The following ENAH variants were observed in gnomAD, a reference collection of about 807,000 sequenced individuals.
ENAH encodes ENAH actin regulator.
A neutral mutation model predicts 78.7 loss-of-function variants in ENAH; 23 were observed. That is an observed-to-expected ratio of 0.29 (90% CI 0.21 to 0.41). ENAH has a LOEUF of 0.41. Ranked by LOEUF, ENAH falls within the 10% of genes least tolerant of loss-of-function variation. The pLI, the probability that ENAH is intolerant of heterozygous loss-of-function variation, is 1.00. For synonymous variants in ENAH, 226 were observed against 241.0 expected, an observed-to-expected ratio of 0.94 and a Z score of 0.58; for missense variants, 544 against 691.0, an observed-to-expected ratio of 0.79 and a Z score of 2.39.
chr1:225,600,096 T>A (rs925193698), intron 1 of ENAH, among the ~76,000 whole-genome samples: 34 of 152,192 alleles, frequency 2.2e-4, no homozygotes, highest in African/African-American at 8.2e-4. Flanking sequence ...GGCACCACAC[T>A]TCCTATAAAG....
intron 2 of ENAH, among the ~76,000 whole-genome samples, chr1:225,563,005 G>A (rs2096716218): frequency 6.6e-6 from 1 of 150,796 alleles, no homozygotes; most frequent in Non-Finnish European, 1.5e-5. Flanking sequence ...AAGAATGAAA[G>A]ACAGAAAACC....
intron 12 of ENAH, among the ~76,000 whole-genome samples, chr1:225,500,678 A>C (rs1286117216): frequency 6.6e-6 from 1 of 152,188 alleles, no homozygotes; most frequent in African/African-American, 2.4e-5. Flanking sequence ...AATTTTGCCA[A>C]GACAGTCACT....
At chr1:225,505,590 A>C (rs1424045953) in intron 11 of ENAH, among the ~76,000 whole-genome samples, 1 of 151,372 alleles carries the variant, frequency 6.6e-6, no homozygotes, top group African/African-American at 2.4e-5. Context: ...TTCCAAAGAG[A>C]AATGGGGACC....
At chr1:225,595,994 C>T (rs2096900077) in intron 1 of ENAH, among the ~76,000 whole-genome samples, 1 of 152,152 alleles carries the variant, frequency 6.6e-6, no homozygotes, top group South Asian at 2.1e-4. Context: ...AAAGAGGATA[C>T]CCTTTTGGTT....
At chr1:225,604,621 CA>C (rs762454618) in intron 1 of ENAH, among the ~76,000 whole-genome samples, 9,096 of 88,930 alleles carry the variant, frequency 0.1, 983 homozygotes, top group African/African-American at 0.32. Flanking sequence ...CCGTCTCTAC[CA>C]AAAAAAAAAA....
At chr1:225,500,859 C>T (rs1390220880) in intron 12 of ENAH, 133 bp downstream of exon 12, 1 of 830,718 alleles carries the variant, frequency 1.2e-6, no homozygotes, top group Non-Finnish European at 1.9e-6. Flanking sequence ...ACTAATGCCA[C>T]TGTTTAATTT....
intron 1 of ENAH, among the ~76,000 whole-genome samples, chr1:225,646,167 CAA>C (rs200880795): frequency 1.4e-5 from 2 of 145,302 alleles, no homozygotes; most frequent in African/African-American, 5.0e-5. Context: ...TATGCACTGA[CAA>C]AAAAAAAAAA....
intron 1 of ENAH, among the ~76,000 whole-genome samples, chr1:225,622,246 G>C (rs764853449): frequency 6.6e-6 from 1 of 152,072 alleles, no homozygotes; most frequent in Non-Finnish European, 1.5e-5. Context: ...GGATATGTTT[G>C]CTATCTTGAT....
chr1:225,583,469 T>G (rs1327150022), intron 1 of ENAH, among the ~76,000 whole-genome samples: 2 of 147,266 alleles, frequency 1.4e-5, no homozygotes, highest in African/African-American at 5.0e-5. Context: ...AGAGAATTAT[T>G]CAAGTTGAAA....
chr1:225,520,067 G>A (rs1472551903), intron 4 of ENAH, among the ~76,000 whole-genome samples: 2 of 152,022 alleles, frequency 1.3e-5, no homozygotes, highest in Non-Finnish European at 2.9e-5. Context: ...GCCGAGGCAG[G>A]TGCATCACTT....
intron 2 of ENAH, among the ~76,000 whole-genome samples, chr1:225,565,442 T>TA (rs11286134): frequency 4.7e-5 from 7 of 149,710 alleles, no homozygotes; most frequent in South Asian, 2.1e-4. Context: ...TCTCAAATAA[T>TA]AAAAAAAAAA....
chr1:225,530,461 G>T, intron 4 of ENAH, 93 bp downstream of exon 4: 1 of 1,019,248 alleles, frequency 9.8e-7, no homozygotes, highest in Non-Finnish European at 1.5e-6. Flanking sequence ...CTCTTAAACA[G>T]CTGATAAGAC....
intron 1 of ENAH, among the ~76,000 whole-genome samples, chr1:225,588,496 A>G (rs2096858404): frequency 6.6e-6 from 1 of 152,212 alleles, no homozygotes; most frequent in Non-Finnish European, 1.5e-5. Flanking sequence ...GAGAGTATAA[A>G]ATGGTTCAAC....
At chr1:225,591,764 C>CAAAAAAAA (rs55680042) in intron 1 of ENAH, among the ~76,000 whole-genome samples, 7 of 39,514 alleles carry the variant, frequency 1.8e-4, no homozygotes, top group African/African-American at 3.3e-4. Flanking sequence ...GACTCCGTCT[C>CAAAAAAAA]AAAAAAAAAA....
intron 3 of ENAH, among the ~76,000 whole-genome samples, chr1:225,545,779 A>T (rs1298212075): frequency 6.6e-6 from 1 of 152,110 alleles, no homozygotes; most frequent in Non-Finnish European, 1.5e-5. Context: ...TGAATCCCTG[A>T]GTTAGAGGTT....
In ENAH at chr1:225,488,048, C is replaced by T. The variant is rs2096207218; in HGVS notation, c.*9727G>A. Reference sequence around the variant, plus strand: ...ACTCCCCCACCTCTCAAAAAACAAACAAACAAACAAACACCACCAAAGCTT... The same window carrying T: ...ACTCCCCCACCTCTCAAAAAACAAATAAACAAACAAACACCACCAAAGCTT... On this transcript the variant is annotated 3_prime_UTR_variant, in exon 14 of 14. Transcript: ENST00000366843. The T allele has an allele frequency of 6.6e-6, 1 of 152,178 alleles. No individual in the cohort carries two copies. The highest frequency in any genetic ancestry group is 2.4e-5 in the African/African-American group (1 of 41,414). 9.4% of individuals were successfully genotyped at this position (152,178 alleles called of 1,614,324 possible).
intron 2 of ENAH, among the ~76,000 whole-genome samples, chr1:225,562,427 C>A (rs569570953): frequency 6.6e-6 from 1 of 151,746 alleles, no homozygotes; most frequent in South Asian, 2.1e-4. Flanking sequence ...AAAAAATTAA[C>A]CGGGCGTGGT....
rs969995737 is a variant in ENAH at position 225,491,221 on chromosome 1, A to G, written c.*6554T>C. On this transcript the variant is annotated 3_prime_UTR_variant, in exon 14 of 14. Transcript: ENST00000366843. ...AGTGGCGCGGTCTTAGCTCACTGCA[A>G]CCTCCACCTCCTGGATTCAAGCGAC... 3 of 152,076 alleles carry G rather than the reference A, an allele frequency of 2.0e-5. No homozygotes were observed. The highest frequency in any genetic ancestry group is 6.5e-5 in the Admixed American group (1 of 15,272). 9.4% of individuals were successfully genotyped at this position (152,076 alleles called of 1,614,324 possible).
intron 1 of ENAH, among the ~76,000 whole-genome samples, chr1:225,608,911 A>T (rs373377633): frequency 6.6e-6 from 1 of 152,126 alleles, no homozygotes; most frequent in South Asian, 2.1e-4. Context: ...TCACTTGAGT[A>T]ATGCCTTCAA....
Sources: allele counts gnomAD v4.1 joint callset (sites outside exome capture counted in the v4.1 genomes callset), GRCh38; gene constraint gnomAD v4.1.1; transcripts MANE v1.5; gene names NCBI Gene and HGNC (gene_info 2026-07-23, HGNC 2026-07-21).